The following LYPLAL1 variants were observed in gnomAD, a reference collection of about 807,000 sequenced individuals.
The protein encoded by LYPLAL1 is lysophospholipase-like protein 1.
Under a neutral mutation model 19.7 loss-of-function variants are expected in LYPLAL1, and 23 were observed. That is an observed-to-expected ratio of 1.17 (90% CI 0.84 to 1.65). The LOEUF (loss-of-function observed/expected upper bound fraction) is 1.65. LYPLAL1 is among the 40% of genes most tolerant of loss of function. The pLI is 0.00. For missense variants in LYPLAL1, 355 were observed against 279.4 expected (o/e 1.27, Z -1.93); for synonymous variants, 119 against 96.3 (o/e 1.24, Z -1.38).
chr1:219,279,704 A>G, the LYPLAL1 span, among the ~76,000 whole-genome samples: 2 of 152,194 alleles, frequency 1.3e-5, no homozygotes, highest in African/African-American at 4.8e-5. Context: ...TGAATTTTTT[A>G]TAGGATGTTT....
At chr1:219,219,101 T>C in the LYPLAL1 span, among the ~76,000 whole-genome samples, 4 of 152,184 alleles carry the variant, frequency 2.6e-5, no homozygotes, top group Non-Finnish European at 5.9e-5. Flanking sequence ...ACAGCATCCA[T>C]AGCTAGTGAA....
rs748084060 is a variant in LYPLAL1 at position 219,211,639 on chromosome 1, G to A, written c.625G>A (p.Val209Ile). ...CACGAAGTTTCATAGTTTTCCAAAT[G>A]TTTACCATGAGCTAAGCAAAACTGA... ...VTTKFHSFPN[V>I]YHELSKTELD... Residue 209 changes from valine (V) to isoleucine (I), a missense_variant, in exon 5 of 5, where the codon GTT (valine) becomes ATT (isoleucine). By Grantham distance (29) the Val-to-Ile change is conservative. Coordinates refer to ENST00000366928, the MANE Select transcript of LYPLAL1 (RefSeq NM_138794.5). 1 of 1,613,366 alleles carries A rather than the reference G, an allele frequency of 6.2e-7. No homozygotes were observed. Among genetic ancestry groups the A allele is most frequent in the South Asian group, 1.1e-5 (1 of 91,056 alleles).
At chr1:219,356,137 G>A in the LYPLAL1 span, among the ~76,000 whole-genome samples, 1 of 151,854 alleles carries the variant, frequency 6.6e-6, no homozygotes, top group Non-Finnish European at 1.5e-5. Context: ...AGCAATAAAA[G>A]GTCCATGTAA....
the LYPLAL1 span, among the ~76,000 whole-genome samples, chr1:219,306,788 A>G: frequency 2.1e-5 from 3 of 143,718 alleles, no homozygotes; most frequent in Non-Finnish European, 1.5e-5. Flanking sequence ...ATAGATAGAT[A>G]CATAGACAGA....
the LYPLAL1 span, among the ~76,000 whole-genome samples, chr1:219,374,490 A>C: frequency 6.6e-6 from 1 of 152,234 alleles, no homozygotes; most frequent in East Asian, 1.9e-4. Context: ...CATGATTAAC[A>C]AGAATTCTGG....
chr1:219,385,912 C>G, the LYPLAL1 span, among the ~76,000 whole-genome samples: 1 of 152,138 alleles, frequency 6.6e-6, no homozygotes, highest in African/African-American at 2.4e-5. Context: ...TATTGTATGA[C>G]TGAACTGTAC....
the LYPLAL1 span, among the ~76,000 whole-genome samples, chr1:219,312,361 T>C: frequency 2.0e-5 from 3 of 152,184 alleles, no homozygotes; most frequent in Admixed American, 1.3e-4. Context: ...GCACACCCTT[T>C]GTCCTAGGCT....
the LYPLAL1 span, among the ~76,000 whole-genome samples, chr1:219,401,997 A>G: frequency 6.6e-6 from 1 of 152,184 alleles, no homozygotes; most frequent in African/African-American, 2.4e-5. Context: ...TTGGCCTCCT[A>G]TTGCATAGAG....
chr1:219,181,094 T>A (rs954826538), intron 2 of LYPLAL1, among the ~76,000 whole-genome samples: 2 of 152,220 alleles, frequency 1.3e-5, no homozygotes, highest in Admixed American at 1.3e-4. Flanking sequence ...AGATTGATTT[T>A]AATAATATAT....
the LYPLAL1 span, among the ~76,000 whole-genome samples, chr1:219,246,164 A>G: frequency 6.6e-6 from 1 of 152,084 alleles, no homozygotes; most frequent in South Asian, 2.1e-4. Flanking sequence ...AAGAGAATGG[A>G]GTTATCTGAT....
the LYPLAL1 span, among the ~76,000 whole-genome samples, chr1:219,332,333 G>A: frequency 6.6e-6 from 1 of 152,136 alleles, no homozygotes; most frequent in Non-Finnish European, 1.5e-5. Context: ...ACCCCTGTTT[G>A]TTCAAACCAT....
chr1:219,253,657 C>T, the LYPLAL1 span, among the ~76,000 whole-genome samples: 1 of 151,896 alleles, frequency 6.6e-6, no homozygotes, highest in Admixed American at 6.6e-5. Context: ...TAGTAGATTT[C>T]AGTTCTTTTA....
At chr1:219,367,048 A>G in the LYPLAL1 span, among the ~76,000 whole-genome samples, 1 of 152,078 alleles carries the variant, frequency 6.6e-6, no homozygotes, top group Non-Finnish European at 1.5e-5. Flanking sequence ...CACTTGCCCC[A>G]GGACTACTTG....
downstream of LYPLAL1, among the ~76,000 whole-genome samples, chr1:219,217,078 G>T (rs1210457241): frequency 6.6e-6 from 1 of 152,058 alleles, no homozygotes; most frequent in Non-Finnish European, 1.5e-5. Context: ...AACTCATGCA[G>T]TGCTTTAATT....
chr1:219,214,099 G>A (rs1659199862), downstream of LYPLAL1, among the ~76,000 whole-genome samples: 1 of 152,054 alleles, frequency 6.6e-6, no homozygotes, highest in Non-Finnish European at 1.5e-5. Flanking sequence ...TACGATGAAT[G>A]GCTGTTGAAT....
At chr1:219,286,118 G>A in the LYPLAL1 span, among the ~76,000 whole-genome samples, 1 of 152,120 alleles carries the variant, frequency 6.6e-6, no homozygotes, top group African/African-American at 2.4e-5. Flanking sequence ...CCAGGTACTG[G>A]CCCTCTAGAG....
the LYPLAL1 span, among the ~76,000 whole-genome samples, chr1:219,435,653 C>T: frequency 6.6e-6 from 1 of 151,832 alleles, no homozygotes; most frequent in Non-Finnish European, 1.5e-5. Context: ...AGTGAAACCC[C>T]GTCTGTACTA....
chr1:219,191,721 C>G (rs1036545860), intron 2 of LYPLAL1, among the ~76,000 whole-genome samples: 1 of 151,140 alleles, frequency 6.6e-6, no homozygotes, highest in African/African-American at 2.4e-5. Context: ...TGAAAAACAT[C>G]TAAACAATGT....
At chr1:219,303,660 AG>A in the LYPLAL1 span, among the ~76,000 whole-genome samples, 1 of 152,382 alleles carries the variant, frequency 6.6e-6, no homozygotes, top group Non-Finnish European at 1.5e-5. Context: ...GAAATCTCAT[AG>A]GGAAGCCCAT....
Sources: allele counts gnomAD v4.1 joint callset (sites outside exome capture counted in the v4.1 genomes callset), GRCh38; gene constraint gnomAD v4.1.1; transcripts MANE v1.5; gene names NCBI Gene and HGNC (gene_info 2026-07-23, HGNC 2026-07-21).